The following SV2C variants were observed in gnomAD, a reference collection of about 807,000 sequenced individuals.
SV2C encodes solute carrier family 22 member B3.
SV2C carries 49 observed loss-of-function variants against 79.7 expected under a neutral mutation model. That is an observed-to-expected ratio of 0.61 (90% CI 0.49 to 0.78). SV2C has a LOEUF of 0.78. Ranked by LOEUF, SV2C falls within the 30% of genes least tolerant of loss-of-function variation. SV2C has a pLI of 0.00. For synonymous variants in SV2C, 334 were observed against 333.2 expected, an observed-to-expected ratio of 1.00 and a Z score of -0.03; for missense variants, 833 against 912.9, an observed-to-expected ratio of 0.91 and a Z score of 1.13.
At chr5:75,978,018 T>C in the SV2C span, among the ~76,000 whole-genome samples, 1 of 152,200 alleles carries the variant, frequency 6.6e-6, no homozygotes, top group African/African-American at 2.4e-5. Flanking sequence ...AAAGTTGTCT[T>C]TAACCACCTT....
intron 8 of SV2C, among the ~76,000 whole-genome samples, chr5:76,292,190 C>T (rs1747589482): frequency 6.6e-6 from 1 of 152,126 alleles, no homozygotes; most frequent in Non-Finnish European, 1.5e-5. Flanking sequence ...GAACAGTTCC[C>T]ATCTCGGGCC....
chr5:76,308,873 T>C (rs1422108700), intron 12 of SV2C, among the ~76,000 whole-genome samples: 1 of 152,218 alleles, frequency 6.6e-6, no homozygotes, highest in East Asian at 1.9e-4. Flanking sequence ...GTTTGTTTAT[T>C]TACTCAACAA....
At chr5:76,320,904 G>T (rs1444376344) in intron 12 of SV2C, among the ~76,000 whole-genome samples, 1 of 152,138 alleles carries the variant, frequency 6.6e-6, no homozygotes, top group Non-Finnish European at 1.5e-5. Flanking sequence ...TGGCAACTTT[G>T]CCTCACTTCA....
At chr5:75,875,398 A>G in the SV2C span, among the ~76,000 whole-genome samples, 5 of 152,142 alleles carry the variant, frequency 3.3e-5, no homozygotes, top group Admixed American at 3.3e-4. Context: ...TTGAAGCTGG[A>G]CCCCTTTCTT....
At chr5:76,183,254 A>C (rs990770943) in intron 2 of SV2C, among the ~76,000 whole-genome samples, 4 of 151,552 alleles carry the variant, frequency 2.6e-5, no homozygotes, top group Non-Finnish European at 4.4e-5. Context: ...CAAACTCCTG[A>C]CCTCAGGTGG....
chr5:76,297,628 G>C (rs941232659), intron 9 of SV2C, among the ~76,000 whole-genome samples: 2 of 152,108 alleles, frequency 1.3e-5, no homozygotes, highest in African/African-American at 4.8e-5. Context: ...TGGGTCCCTG[G>C]AGTGGGGATT....
At chr5:75,991,177 C>T in the SV2C span, among the ~76,000 whole-genome samples, 6 of 151,754 alleles carry the variant, frequency 4.0e-5, no homozygotes, top group Admixed American at 2.6e-4. Flanking sequence ...ATGTTCTATC[C>T]TTGATTCAAA....
At chr5:75,911,433 C>A in the SV2C span, 1 of 998,680 alleles carries the variant, frequency 1.0e-6, no homozygotes, top group Non-Finnish European at 1.5e-6. Context: ...CTCCTCCACC[C>A]AGAGCCACTC....
chr5:76,011,606 GT>G, the SV2C span, among the ~76,000 whole-genome samples: 1 of 151,658 alleles, frequency 6.6e-6, no homozygotes, highest in Non-Finnish European at 1.5e-5. Context: ...TCCTGTTTTT[GT>G]TTTTTATTTA....
intron 2 of SV2C, among the ~76,000 whole-genome samples, chr5:76,153,157 C>T (rs1228612213): frequency 6.6e-6 from 1 of 152,100 alleles, no homozygotes; most frequent in African/African-American, 2.4e-5. Flanking sequence ...TGTAGGGACC[C>T]CGAGCTCTTT....
chr5:76,303,040 TCAA>T (rs1412353071), intron 12 of SV2C, among the ~76,000 whole-genome samples: 2 of 152,162 alleles, frequency 1.3e-5, no homozygotes, highest in African/African-American at 2.4e-5. Flanking sequence ...TATTTCTTCT[TCAA>T]CAACATCTAT....
At chr5:76,228,177 T>C (rs1745311469) in intron 4 of SV2C, among the ~76,000 whole-genome samples, 1 of 152,146 alleles carries the variant, frequency 6.6e-6, no homozygotes, top group Admixed American at 6.5e-5. Flanking sequence ...TTATTGAACA[T>C]GTCAGGCATT....
At chr5:76,297,135 C>T (rs1747798629) in intron 9 of SV2C, among the ~76,000 whole-genome samples, 1 of 152,098 alleles carries the variant, frequency 6.6e-6, no homozygotes, top group African/African-American at 2.4e-5. Flanking sequence ...AATAGTATTA[C>T]AGTTTTTGTA....
rs117819221 is a variant in SV2C, at chr5:76,159,450, G to A, written c.580+27120G>A. On this transcript the variant is annotated intron_variant, in intron 2 of 12. Transcript: ENST00000502798. Reference sequence around the variant, plus strand: ...GCAAGTACATTAGATTCCTGGGGCTGCCATAACAAAGTACCAAAAACTGGG... The same window carrying A: ...GCAAGTACATTAGATTCCTGGGGCTACCATAACAAAGTACCAAAAACTGGG... Among the ~76,000 whole-genome samples, 61 of 152,190 alleles carry A rather than the reference G, an allele frequency of 4.0e-4. 1 individual carries two copies. The East Asian group carries it at 0.01, about 26-fold the overall frequency.
chr5:75,879,860 G>A, the SV2C span, among the ~76,000 whole-genome samples: 1 of 152,166 alleles, frequency 6.6e-6, no homozygotes, highest in African/African-American at 2.4e-5. Flanking sequence ...GCTTCTGCCT[G>A]GGCACCCAGG....
At chr5:76,143,240 T>C (rs1401867071) in intron 2 of SV2C, among the ~76,000 whole-genome samples, 2 of 151,970 alleles carry the variant, frequency 1.3e-5, no homozygotes, top group African/African-American at 4.8e-5. Flanking sequence ...ATGATGATGA[T>C]GAAAAGGCAT....
intron 2 of SV2C, among the ~76,000 whole-genome samples, chr5:76,135,546 G>T (rs973001345): frequency 6.6e-6 from 1 of 152,178 alleles, no homozygotes; most frequent in African/African-American, 2.4e-5. Flanking sequence ...TTCAGGCGCC[G>T]CAGTCTTGCA....
chr5:75,909,697 A>G, the SV2C span, among the ~76,000 whole-genome samples: 125 of 152,264 alleles, frequency 8.2e-4, no homozygotes, highest in African/African-American at 2.7e-3. Context: ...TCTCATTTTG[A>G]CCTTTCATTT....
chr5:76,214,000 A>G (rs758053159), intron 4 of SV2C, among the ~76,000 whole-genome samples: 5 of 152,198 alleles, frequency 3.3e-5, no homozygotes, highest in African/African-American at 7.2e-5. Flanking sequence ...TTCACTTAAC[A>G]TAATGCCTTC....
Sources: allele counts gnomAD v4.1 joint callset (sites outside exome capture counted in the v4.1 genomes callset), GRCh38; gene constraint gnomAD v4.1.1; transcripts MANE v1.5; gene names NCBI Gene and HGNC (gene_info 2026-07-23, HGNC 2026-07-21).